PDE1A: variants seen among roughly 807,000 people sequenced by gnomAD.
PDE1A encodes the protein phosphodiesterase 1A, also known as dual specificity calcium/calmodulin-dependent 3',5'-cyclic nucleotide phosphodiesterase 1A.
Under a neutral mutation model 61.7 loss-of-function variants are expected in PDE1A, and 35 were observed. That is an observed-to-expected ratio of 0.57 (90% CI 0.43 to 0.75). The LOEUF is 0.75. Among genes scored for constraint, PDE1A ranks in the 30% least tolerant of loss-of-function variants. PDE1A has a pLI of 0.00. For synonymous variants in PDE1A, 232 were observed against 213.2 expected (o/e 1.09, Z -0.77); for missense variants, 597 against 630.6 (o/e 0.95, Z 0.57).
At chr2:182,439,174 T>A (rs1684633955) in intron 2 of PDE1A, among the ~76,000 whole-genome samples, 1 of 151,948 alleles carries the variant, frequency 6.6e-6, no homozygotes, top group East Asian at 1.9e-4. Flanking sequence ...AGAAGTATAA[T>A]GGTAAGTTTA....
chr2:182,264,309 A>T (rs1302947082), exon 2 of PDE1A: 4 of 1,604,440 alleles, frequency 2.5e-6, no homozygotes, highest in Non-Finnish European at 3.4e-6. Flanking sequence ...ACCTTGTTTC[A>T]TCGATATAAA....
intron 2 of PDE1A, among the ~76,000 whole-genome samples, chr2:182,434,942 T>C (rs531080918): frequency 3.3e-5 from 5 of 152,130 alleles, no homozygotes; most frequent in African/African-American, 1.2e-4. Flanking sequence ...GTTCCCCAAA[T>C]TGGCTAACTC....
chr2:182,480,341 C>T (rs1417519309), intron 2 of PDE1A, among the ~76,000 whole-genome samples: 7 of 151,850 alleles, frequency 4.6e-5, no homozygotes, highest in South Asian at 4.1e-4. Flanking sequence ...GAAGCAATCG[C>T]ATCATATATA....
the PDE1A span, among the ~76,000 whole-genome samples, chr2:182,669,754 T>C: frequency 6.6e-6 from 1 of 152,266 alleles, no homozygotes; most frequent in Non-Finnish European, 1.5e-5. Flanking sequence ...ATCCACCTTT[T>C]ACGCCATGTG....
the PDE1A span, among the ~76,000 whole-genome samples, chr2:182,704,603 T>A: frequency 6.6e-6 from 1 of 152,230 alleles, no homozygotes; most frequent in African/African-American, 2.4e-5. Context: ...TGTTTATTAC[T>A]TTATTTAAAA....
At chr2:182,214,219 G>C (rs1687944956) in intron 7 of PDE1A, among the ~76,000 whole-genome samples, 1 of 151,554 alleles carries the variant, frequency 6.6e-6, no homozygotes, top group African/African-American at 2.4e-5. Context: ...AATGCTGAGA[G>C]ATTTTGTCAC....
chr2:182,332,097 G>T (rs951818777), intron 1 of PDE1A, among the ~76,000 whole-genome samples: 1 of 151,608 alleles, frequency 6.6e-6, no homozygotes, highest in African/African-American at 2.4e-5. Context: ...ATTTCATTAA[G>T]TTCATCTTCA....
intron 13 of PDE1A, among the ~76,000 whole-genome samples, chr2:182,150,952 A>G (rs1464516391): frequency 1.3e-5 from 2 of 152,238 alleles, no homozygotes; most frequent in African/African-American, 4.8e-5. Flanking sequence ...TATCTGAGAA[A>G]TAACCTGTTA....
chr2:182,249,363 GGAATTCC>G (rs572503007), intron 2 of PDE1A, among the ~76,000 whole-genome samples: 53 of 152,288 alleles, frequency 3.5e-4, no homozygotes, highest in African/African-American at 1.2e-3. Flanking sequence ...GGAAGAGCAG[GGAATTCC>G]AGGGTCCTAC....
chr2:182,349,632 T>G (rs1429056251), intron 1 of PDE1A, among the ~76,000 whole-genome samples: 1 of 152,068 alleles, frequency 6.6e-6, no homozygotes, highest in Non-Finnish European at 1.5e-5. Context: ...GTACTTGATC[T>G]GAAAATTAAA....
the PDE1A span, among the ~76,000 whole-genome samples, chr2:182,609,697 G>T: frequency 6.6e-6 from 1 of 152,226 alleles, no homozygotes; most frequent in South Asian, 2.1e-4. Context: ...CACCGCGAGG[G>T]TTCGCGGCTT....
intron 2 of PDE1A, among the ~76,000 whole-genome samples, chr2:182,498,735 G>A (rs1688881215): frequency 6.6e-6 from 1 of 151,898 alleles, no homozygotes; most frequent in African/African-American, 2.4e-5. Context: ...ATGAGGTTAG[G>A]AGATCGAGAC....
the PDE1A span, among the ~76,000 whole-genome samples, chr2:182,679,389 C>T: frequency 0.45 from 60,019 of 134,648 alleles, 13,916 homozygotes; most frequent in East Asian, 0.52. Context: ...TTAGTAGAGA[C>T]GGGGTTTCAC....
At chr2:182,257,889 T>C (rs1222378418) in intron 2 of PDE1A, among the ~76,000 whole-genome samples, 1 of 152,098 alleles carries the variant, frequency 6.6e-6, no homozygotes, top group African/African-American at 2.4e-5. Context: ...ATCTATCAGC[T>C]GGGCGCGGTG....
chr2:182,502,313 C>CGT (rs35441240), intron 2 of PDE1A, among the ~76,000 whole-genome samples: 49,610 of 150,214 alleles, frequency 0.33, 8,507 homozygotes, highest in Middle Eastern at 0.4. Context: ...TACTCTCTTT[C>CGT]GTGTGTGTGT....
the PDE1A span, among the ~76,000 whole-genome samples, chr2:182,562,854 T>C: frequency 1.3e-5 from 2 of 152,326 alleles, no homozygotes; most frequent in East Asian, 1.9e-4. Context: ...GAGGTGTTTG[T>C]AGTATTCTCT....
chr2:182,206,247 ACT>A (rs1451714302), intron 7 of PDE1A, among the ~76,000 whole-genome samples, 182 bp from the exon 8 acceptor site: 2 of 152,060 alleles, frequency 1.3e-5, no homozygotes, highest in Admixed American at 1.3e-4. Flanking sequence ...TTTTATATAA[ACT>A]CTATTAGAGA....
chr2:182,715,541 T>G, the PDE1A span, among the ~76,000 whole-genome samples: 2 of 152,186 alleles, frequency 1.3e-5, no homozygotes, highest in African/African-American at 4.8e-5. Context: ...GGCTCGGTTT[T>G]CTCTTTTAAA....
chr2:182,545,798 T>G, the PDE1A span, among the ~76,000 whole-genome samples: 35 of 152,230 alleles, frequency 2.3e-4, no homozygotes, highest in Non-Finnish European at 1.0e-4. Flanking sequence ...TTTATACTTC[T>G]GTTTCTACAC....
Sources: allele counts gnomAD v4.1 joint callset (sites outside exome capture counted in the v4.1 genomes callset), GRCh38; gene constraint gnomAD v4.1.1; transcripts MANE v1.5; gene names NCBI Gene and HGNC (gene_info 2026-07-23, HGNC 2026-07-21).